The following PABPC4L variants were observed in gnomAD, a reference collection of about 807,000 sequenced individuals.
PABPC4L encodes polyadenylate-binding protein 4-like.
For synonymous variants in PABPC4L, 169 were observed against 164.1 expected (o/e 1.03, Z -0.23); for missense variants, 452 against 451.4 (o/e 1.00, Z -0.01).
chr4:134,027,005 G>A, the PABPC4L span, among the ~76,000 whole-genome samples: 1 of 152,070 alleles, frequency 6.6e-6, no homozygotes, highest in Non-Finnish European at 1.5e-5. Flanking sequence ...AAGCCACTAA[G>A]TTTGTGGTAC....
At chr4:133,989,735 C>T in the PABPC4L span, among the ~76,000 whole-genome samples, 1 of 152,100 alleles carries the variant, frequency 6.6e-6, no homozygotes, top group South Asian at 2.1e-4. Context: ...ACTTTTAAAG[C>T]AGTACCCCAC....
At chr4:134,179,081 T>C in the PABPC4L span, among the ~76,000 whole-genome samples, 20 of 151,778 alleles carry the variant, frequency 1.3e-4, no homozygotes, top group African/African-American at 4.6e-4. Flanking sequence ...AAGACAATCC[T>C]CAAGTCACAT....
the PABPC4L span, among the ~76,000 whole-genome samples, chr4:133,988,382 G>A: frequency 6.6e-6 from 1 of 152,098 alleles, no homozygotes; most frequent in Admixed American, 6.5e-5. Context: ...ATACAATGAG[G>A]GTACAGGTAT....
At chr4:133,974,594 A>C in the PABPC4L span, among the ~76,000 whole-genome samples, 2 of 152,138 alleles carry the variant, frequency 1.3e-5, no homozygotes, top group African/African-American at 4.8e-5. Flanking sequence ...GATAACCAAC[A>C]TAATAGAAAA....
the PABPC4L span, among the ~76,000 whole-genome samples, chr4:134,059,397 T>C: frequency 1.3e-5 from 2 of 149,570 alleles, no homozygotes; most frequent in South Asian, 4.2e-4. Context: ...TATATATATA[T>C]ATATATATAG....
chr4:134,050,409 AAAG>A, the PABPC4L span, among the ~76,000 whole-genome samples: 1 of 152,128 alleles, frequency 6.6e-6, no homozygotes, highest in Non-Finnish European at 1.5e-5. Flanking sequence ...AAAATCTACA[AAAG>A]AAGTGAAAGA....
the PABPC4L span, among the ~76,000 whole-genome samples, chr4:133,990,416 C>A: frequency 6.6e-6 from 1 of 152,106 alleles, no homozygotes; most frequent in East Asian, 1.9e-4. Flanking sequence ...ACTTAATTGA[C>A]AAATATTATG....
the PABPC4L span, among the ~76,000 whole-genome samples, chr4:134,098,171 C>A: frequency 6.6e-6 from 1 of 151,712 alleles, no homozygotes; most frequent in South Asian, 2.1e-4. Context: ...AAGAGATTTG[C>A]CTTTGACTTG....
the PABPC4L span, among the ~76,000 whole-genome samples, chr4:134,086,997 C>T: frequency 6.6e-6 from 1 of 150,742 alleles, no homozygotes; most frequent in African/African-American, 2.4e-5. Flanking sequence ...GTTCCCCTTC[C>T]TGTGTCCATG....
chr4:134,052,021 A>G, the PABPC4L span, among the ~76,000 whole-genome samples: 3 of 152,116 alleles, frequency 2.0e-5, no homozygotes, highest in African/African-American at 7.2e-5. Context: ...AGAAAAAACA[A>G]TAATACAATC....
chr4:134,145,824 C>T, the PABPC4L span, among the ~76,000 whole-genome samples: 1 of 152,062 alleles, frequency 6.6e-6, no homozygotes. Flanking sequence ...AATAAATATT[C>T]ATTACACCCA....
chr4:134,109,887 G>T, the PABPC4L span, among the ~76,000 whole-genome samples: 17 of 151,818 alleles, frequency 1.1e-4, no homozygotes, highest in African/African-American at 4.1e-4. Context: ...GACTGCAGGC[G>T]TGTGCCACCC....
At chr4:134,005,654 CT>C in the PABPC4L span, among the ~76,000 whole-genome samples, 1 of 151,786 alleles carries the variant, frequency 6.6e-6, no homozygotes, top group Non-Finnish European at 1.5e-5. Context: ...GTGGTTACTG[CT>C]TTTCATGTAC....
chr4:134,106,550 C>T, the PABPC4L span, among the ~76,000 whole-genome samples: 21 of 151,188 alleles, frequency 1.4e-4, no homozygotes, highest in Non-Finnish European at 2.1e-4. Context: ...TGGAATTTAA[C>T]AATTAGTGAG....
chr4:134,194,617 T>A (rs569593297), downstream of PABPC4L, among the ~76,000 whole-genome samples: 62 of 151,856 alleles, frequency 4.1e-4, no homozygotes, highest in Admixed American at 6.6e-4. Context: ...ATAATATCTT[T>A]TTTCTAGGAG....
the PABPC4L span, among the ~76,000 whole-genome samples, chr4:134,158,778 GAT>G: frequency 6.6e-6 from 1 of 152,008 alleles, no homozygotes; most frequent in Non-Finnish European, 1.5e-5. Flanking sequence ...TAATGATGGG[GAT>G]ATGTTCTGAA....
the PABPC4L span, among the ~76,000 whole-genome samples, chr4:134,053,741 G>T: frequency 6.6e-6 from 1 of 151,922 alleles, no homozygotes; most frequent in Non-Finnish European, 1.5e-5. Flanking sequence ...AAATAAAAGA[G>T]AATAGATATT....
chr4:133,950,030 T>C, the PABPC4L span, among the ~76,000 whole-genome samples: 1 of 152,196 alleles, frequency 6.6e-6, no homozygotes, highest in Admixed American at 6.5e-5. Context: ...TTTGCTAATA[T>C]GCCCTTTGAG....
the PABPC4L span, among the ~76,000 whole-genome samples, chr4:133,986,681 C>G: frequency 6.6e-6 from 1 of 151,246 alleles, no homozygotes; most frequent in African/African-American, 2.4e-5. Context: ...CTCGGGACTG[C>G]CTATTAGATG....
Sources: allele counts gnomAD v4.1 joint callset (sites outside exome capture counted in the v4.1 genomes callset), GRCh38; gene constraint gnomAD v4.1.1; transcripts MANE v1.5; gene names NCBI Gene and HGNC (gene_info 2026-07-23, HGNC 2026-07-21).